The following ALDH18A1 variants were observed in gnomAD, a reference collection of about 807,000 sequenced individuals.
ALDH18A1 encodes the protein delta-1-pyrroline-5-carboxylate synthase.
In ALDH18A1, 44 loss-of-function variants were observed where a neutral mutation model predicts 88.8. The ratio of observed to expected loss-of-function variants is 0.50; its 90% CI spans 0.39 to 0.64. ALDH18A1 has a LOEUF of 0.64. Among genes scored for constraint, ALDH18A1 ranks in the 30% least tolerant of loss-of-function variants. The pLI is 0.00. For synonymous variants in ALDH18A1, 331 were observed against 372.1 expected, an observed-to-expected ratio of 0.89 and a Z score of 1.27; for missense variants, 782 against 1,009.5, an observed-to-expected ratio of 0.77 and a Z score of 3.05.
At chr10:95,638,890 TG>T (rs35082362) in intron 3 of ALDH18A1, among the ~76,000 whole-genome samples, 15,332 of 151,982 alleles carry the variant, frequency 0.1, 894 homozygotes, top group Middle Eastern at 0.2. Flanking sequence ...TTTTTTTTTT[TG>T]AAACACAGTC....
At position 95,643,067 on chromosome 10, in the gene ALDH18A1, C is replaced by T. The variant is rs2097894864; in HGVS notation, c.228G>A (p.Lys76=). 6.2e-7 allele frequency: 1 copy of T among 1,614,156 alleles called. No individual in the cohort carries two copies. The highest frequency in any genetic ancestry group is 8.5e-7 in the Non-Finnish European group (1 of 1,179,992). ...CTCGGGTCACCACGGCACTGCCGAGCTTCACCACGATTCTCTTGGCATGCT... is the reference window on the plus strand; with the variant it reads ...CTCGGGTCACCACGGCACTGCCGAGTTTCACCACGATTCTCTTGGCATGCT... ...ELKHAKRIVV[K]LGSAVVTRGD... is the part of the protein sequence containing the mutation. Residue 76 remains lysine (K), a synonymous_variant, in exon 3 of 18, where the codon AAG becomes AAA. Coordinates refer to ENST00000371224, the MANE Select transcript of ALDH18A1 (RefSeq NM_002860.4).
intron 3 of ALDH18A1, among the ~76,000 whole-genome samples, chr10:95,642,317 C>T (rs866257626): frequency 6.6e-6 from 1 of 152,154 alleles, no homozygotes; most frequent in Non-Finnish European, 1.5e-5. Flanking sequence ...ACCTACGAAA[C>T]TAAAATATTT....
rs1248354112 is a variant in ALDH18A1, at chr10:95,613,754, C to T, written c.1911G>A (p.Leu637=). ...TPLFDQIIDM[L]RVEQVKIHAG... ...ATGGAACTCTTACCTGTTCCACTCTCAGCATATCAATGATCTGGTCAAATA... is the reference window on the plus strand; with the variant it reads ...ATGGAACTCTTACCTGTTCCACTCTTAGCATATCAATGATCTGGTCAAATA... The change falls in exon 15 of 18, where the codon CTG becomes CTA. Residue 637 remains leucine, a synonymous_variant. Transcript: ENST00000371224. 2.5e-6 allele frequency: 4 copies of T among 1,614,150 alleles called. No homozygotes were observed. Among genetic ancestry groups the T allele is most frequent in the South Asian group, 1.1e-5 (1 of 91,078 alleles).
rs1485205996 is a variant in ALDH18A1, at chr10:95,606,248, T to C, written c.*514A>G. The C allele has an allele frequency of 8.0e-6, 8 of 997,366 alleles. No individual in the cohort carries two copies. The highest frequency in any genetic ancestry group is 5.1e-4 in the Middle Eastern group (1 of 1,958). The allele number at this position is 997,366 out of a possible 1,614,324, so 61.8% of individuals were successfully genotyped here. ...AAATACAAAAGGTCAATCTTCCCAG[T>C]GGAAATGATTCCATCGATTTTTGTG... On this transcript the variant is annotated 3_prime_UTR_variant, in exon 18 of 18. Transcript: ENST00000371224.
chr10:95,630,098 AAT>A (rs1491165186), intron 7 of ALDH18A1, among the ~76,000 whole-genome samples: 3 of 138,018 alleles, frequency 2.2e-5, no homozygotes, highest in Middle Eastern at 3.4e-3. Flanking sequence ...AACTAAAAAA[AAT>A]ATTTCTTCTT....
chr10:95,655,410 A>T (rs1346938209), intron 1 of ALDH18A1, among the ~76,000 whole-genome samples: 1 of 152,070 alleles, frequency 6.6e-6, no homozygotes, highest in African/African-American at 2.4e-5. Context: ...TTTTTTCCTT[A>T]ATTTCCTTCA....
At chr10:95,621,875 T>A (rs2097853196) in intron 11 of ALDH18A1, among the ~76,000 whole-genome samples, 2 of 152,194 alleles carry the variant, frequency 1.3e-5, no homozygotes, top group African/African-American at 4.8e-5. Flanking sequence ...TCTACCTAAA[T>A]ATTCAGACAA....
chr10:95,633,979 G>A (rs903457469), intron 5 of ALDH18A1, among the ~76,000 whole-genome samples: 43 of 152,060 alleles, frequency 2.8e-4, no homozygotes, highest in African/African-American at 1.0e-3. Flanking sequence ...GCTAATTTTT[G>A]TATTTTTAGT....
In ALDH18A1 at chr10:95,614,027, G is replaced by A. The variant is rs139035272; in HGVS notation, c.1740C>T (p.Ser580=). Reference sequence around the variant, plus strand: ...CCACATACATGTGACAGATCCCTTCGCTGTGCCCCATCACTGGAATCCCCT... The same window carrying A: ...CCACATACATGTGACAGATCCCTTCACTGTGCCCCATCACTGGAATCCCCT... ...AAKGIPVMGH[S]EGICHMYVDS... Residue 580 remains serine, a synonymous_variant, in exon 14 of 18, where the codon AGC becomes AGT. Coordinates refer to ENST00000371224, the MANE Select transcript of ALDH18A1 (RefSeq NM_002860.4). 7.7e-5 allele frequency: 124 copies of A among 1,614,054 alleles called. No homozygotes were observed. Among genetic ancestry groups the A allele is most frequent in the Admixed American group, 8.3e-5 (5 of 60,004 alleles).
chr10:95,656,238 A>G (rs1314644397), intron 1 of ALDH18A1, among the ~76,000 whole-genome samples: 3 of 152,100 alleles, frequency 2.0e-5, no homozygotes, highest in Admixed American at 1.3e-4. Context: ...ATACTCTTGG[A>G]AAGAAGGGGC....
chr10:95,617,021 T>C (rs2097845323), intron 12 of ALDH18A1, among the ~76,000 whole-genome samples: 2 of 152,122 alleles, frequency 1.3e-5, no homozygotes, highest in South Asian at 4.1e-4. Flanking sequence ...CTGAGGTGGG[T>C]GGATCACCTG....
chr10:95,613,883 G>T lies in ALDH18A1; in HGVS notation c.1802-20C>A, dbSNP rs1406811559. The stretch of plus-strand genomic sequence containing the variant: ...CTCTGACTGAAAGAAGATGAGCAAA[G>T]AATTGTTTCCATTGACATGATCCAG... On this transcript the variant is annotated intron_variant, in intron 14 of 17. Coordinates refer to ENST00000371224, the MANE Select transcript of ALDH18A1 (RefSeq NM_002860.4). The T allele has an allele frequency of 6.2e-7, 1 of 1,614,178 alleles. No individual in the cohort carries two copies. Among genetic ancestry groups the T allele is most frequent in the Admixed American group, 1.7e-5 (1 of 60,030 alleles).
At chr10:95,635,909 A>G (rs760044491) in intron 5 of ALDH18A1, among the ~76,000 whole-genome samples, 2 of 152,226 alleles carry the variant, frequency 1.3e-5, no homozygotes, top group African/African-American at 2.4e-5. Context: ...TAAAAAAATT[A>G]AAGACCAAAG....
At chr10:95,612,057 T>C (rs1230173415) in intron 15 of ALDH18A1, among the ~76,000 whole-genome samples, 1 of 152,170 alleles carries the variant, frequency 6.6e-6, no homozygotes, top group East Asian at 1.9e-4. Flanking sequence ...TTTCCTAAAA[T>C]GAATACTTGA....
chr10:95,643,046 G>T lies in ALDH18A1; in HGVS notation c.249C>A (p.Thr83=), dbSNP rs1005474814. 2 of 1,613,690 alleles carry T rather than the reference G, an allele frequency of 1.2e-6. No homozygotes were observed. Among genetic ancestry groups the T allele is most frequent in the African/African-American group, 2.7e-5 (2 of 74,892 alleles). Residue 83 remains threonine, a synonymous_variant, in exon 3 of 18, where the codon ACC becomes ACA. Coordinates refer to ENST00000371224, the MANE Select transcript of ALDH18A1 (RefSeq NM_002860.4). ...IVVKLGSAVV[T]RGDECGLALG... is the part of the protein sequence containing the mutation. ...GGGCCAGGCCACATTCATCCCCTCG[G>T]GTCACCACGGCACTGCCGAGCTTCA...
intron 1 of ALDH18A1, among the ~76,000 whole-genome samples, chr10:95,656,280 G>C (rs559100251): frequency 2.9e-4 from 44 of 152,352 alleles, no homozygotes; most frequent in Admixed American, 2.5e-3. Flanking sequence ...ACTTGGCCCA[G>C]TTCCTTACAT....
chr10:95,633,121 GCCAAGCTCAGGCAAAA>G lies in ALDH18A1; in HGVS notation c.718-88_718-73del, dbSNP rs2097873778. On this transcript the variant is annotated intron_variant, in intron 6 of 17. Coordinates refer to ENST00000371224, the MANE Select transcript of ALDH18A1 (RefSeq NM_002860.4). ...AAAAAGAAATTCATGGAAGAACACA[GCCAAGCTCAGGCAAAA>G]CCAAGCTAGGATCAGGCAAAACCAA... 20 of 1,403,236 alleles carry G rather than the reference GCCAAGCTCAGGCAAAA, an allele frequency of 1.4e-5. No homozygotes were observed. The East Asian group carries it at 4.6e-4, about 32-fold the overall frequency. 86.9% of individuals were successfully genotyped at this position (1,403,236 alleles called of 1,614,324 possible).
At chr10:95,634,096 T>TA (rs1159971608) in intron 5 of ALDH18A1, among the ~76,000 whole-genome samples, 3 of 151,864 alleles carry the variant, frequency 2.0e-5, no homozygotes, top group Non-Finnish European at 2.9e-5. Flanking sequence ...TTTGTAGAGA[T>TA]AAAAAAAATT....
intron 7 of ALDH18A1, among the ~76,000 whole-genome samples, chr10:95,629,175 GA>G (rs1409784002): frequency 6.6e-6 from 1 of 152,116 alleles, no homozygotes; most frequent in Non-Finnish European, 1.5e-5. Flanking sequence ...ATTTCACTTT[GA>G]AAAAGAGTAA....
Sources: gnomAD v4.1 joint callset for allele counts (sites outside exome capture counted in the v4.1 genomes callset) on GRCh38, gnomAD v4.1.1 for gene constraint, MANE v1.5 for transcripts, NCBI Gene and HGNC (gene_info 2026-07-23, HGNC 2026-07-21) for gene names.